The following SLC1A1 variants were observed in gnomAD, a reference collection of about 807,000 sequenced individuals.
The protein encoded by SLC1A1 is excitatory amino acid transporter 3.
In SLC1A1, 43 loss-of-function variants were observed where a neutral mutation model predicts 53.3. The ratio of observed to expected loss-of-function variants is 0.81; its 90% confidence interval spans 0.63 to 1.04. The LOEUF is 1.04. Among genes scored for constraint, SLC1A1 ranks in the 50% least tolerant of loss-of-function variants. The pLI, the probability that SLC1A1 is intolerant of heterozygous loss-of-function variation, is 0.00. For synonymous variants in SLC1A1, 307 were observed against 243.2 expected, an observed-to-expected ratio of 1.26 and a Z score of -2.44; for missense variants, 748 against 664.9, an observed-to-expected ratio of 1.12 and a Z score of -1.37.
intron 1 of SLC1A1, among the ~76,000 whole-genome samples, chr9:4,506,468 C>T (rs1035262099): frequency 2.6e-5 from 4 of 151,964 alleles, no homozygotes; most frequent in African/African-American, 7.3e-5. Context: ...ATTCAGAAAC[C>T]ATAACCTTAA....
At chr9:4,541,039 C>T (rs193173122) in intron 1 of SLC1A1, among the ~76,000 whole-genome samples, 206 of 152,278 alleles carry the variant, frequency 1.4e-3, no homozygotes, top group Middle Eastern at 3.4e-3. Context: ...TTACCTGTGT[C>T]TGTGGTGGGA....
chr9:4,545,609 C>G (rs1817424236), intron 2 of SLC1A1, among the ~76,000 whole-genome samples: 2 of 152,214 alleles, frequency 1.3e-5, no homozygotes, highest in Admixed American at 6.5e-5. Context: ...CCAGAACTTG[C>G]TATGTGTCTG....
chr9:4,582,447 G>T (rs1050365596), intron 10 of SLC1A1, among the ~76,000 whole-genome samples: 1 of 152,226 alleles, frequency 6.6e-6, no homozygotes, highest in East Asian at 1.9e-4. Context: ...GTGATGTCAA[G>T]AGAGTGCATA....
chr9:4,568,607 G>C (rs1243772223), intron 6 of SLC1A1, among the ~76,000 whole-genome samples: 3 of 151,004 alleles, frequency 2.0e-5, no homozygotes, highest in Non-Finnish European at 4.4e-5. Flanking sequence ...TGTAGTCCCA[G>C]ATACTTGAGA....
At chr9:4,566,706 A>T (rs923613599) in intron 5 of SLC1A1, among the ~76,000 whole-genome samples, 13 of 151,514 alleles carry the variant, frequency 8.6e-5, no homozygotes, top group African/African-American at 2.9e-4. Context: ...TTAAAAAAAA[A>T]TATAAAAAAT....
chr9:4,543,149 G>T (rs1048717294), intron 1 of SLC1A1, among the ~76,000 whole-genome samples: 5 of 152,192 alleles, frequency 3.3e-5, no homozygotes, highest in Non-Finnish European at 7.3e-5. Context: ...GAAAATTCTA[G>T]TACTGATTAT....
chr9:4,550,387 CT>C (rs940963214), intron 2 of SLC1A1, among the ~76,000 whole-genome samples: 1 of 152,120 alleles, frequency 6.6e-6, no homozygotes, highest in Non-Finnish European at 1.5e-5. Context: ...TTTTCTACTA[CT>C]TTTTGTTGGG....
At chr9:4,573,165 T>C (rs1820217742) in intron 7 of SLC1A1, among the ~76,000 whole-genome samples, 1 of 152,198 alleles carries the variant, frequency 6.6e-6, no homozygotes, top group Non-Finnish European at 1.5e-5. Flanking sequence ...TCAGTGTCTG[T>C]CCTCTCCCTG....
chr9:4,554,564 A>G (rs1818203003), intron 2 of SLC1A1, among the ~76,000 whole-genome samples: 1 of 152,212 alleles, frequency 6.6e-6, no homozygotes, highest in Admixed American at 6.5e-5. Flanking sequence ...CACTCCAGGC[A>G]GAGGGAAGAG....
At chr9:4,509,430 A>T (rs968793885) in intron 1 of SLC1A1, among the ~76,000 whole-genome samples, 1 of 152,180 alleles carries the variant, frequency 6.6e-6, no homozygotes, top group East Asian at 1.9e-4. Context: ...CTATTAGCTC[A>T]TCTAGGCCTG....
rs1373112445 is a variant in SLC1A1, at chr9:4,576,040, T to C, written c.915T>C (p.Tyr305=). 6.2e-7 allele frequency: 1 copy of C among 1,613,904 alleles called. No homozygotes were observed. The highest frequency in any genetic ancestry group is 1.3e-5 in the African/African-American group (1 of 74,938). ...IHSIVILPLI[Y]FIVVRKNPFR... ...CCATTGTAATTCTCCCGCTGATATA[T>C]TTCATAGTCGTACGAAAGAACCCTT... The change falls in exon 9 of 12, where the codon TAT becomes TAC. Residue 305 remains tyrosine, a synonymous_variant. Coordinates refer to ENST00000262352, the MANE Select transcript of SLC1A1 (RefSeq NM_004170.6).
At chr9:4,550,764 C>T (rs1363794586) in intron 2 of SLC1A1, among the ~76,000 whole-genome samples, 1 of 152,110 alleles carries the variant, frequency 6.6e-6, no homozygotes, top group Non-Finnish European at 1.5e-5. Context: ...TAAACAACAG[C>T]CAGATGTAGA....
At chr9:4,534,090 G>A (rs1193687570) in intron 1 of SLC1A1, among the ~76,000 whole-genome samples, 1 of 152,120 alleles carries the variant, frequency 6.6e-6, no homozygotes, top group Non-Finnish European at 1.5e-5. Flanking sequence ...ACCACTAAAT[G>A]CCCACAACAG....
At chr9:4,518,334 G>T (rs1478516588) in intron 1 of SLC1A1, among the ~76,000 whole-genome samples, 1 of 150,472 alleles carries the variant, frequency 6.6e-6, no homozygotes, top group African/African-American at 2.4e-5. Flanking sequence ...GTGGTGAAAA[G>T]GTTCTTCTAC....
At chr9:4,574,149 G>A in intron 8 of SLC1A1, 135 bp downstream of exon 8, 2 of 724,042 alleles carry the variant, frequency 2.8e-6, no homozygotes, top group East Asian at 2.6e-5. Flanking sequence ...AGATAAGACA[G>A]CAGGGGGAGG....
chr9:4,580,452 G>A (rs1030015198), intron 10 of SLC1A1, among the ~76,000 whole-genome samples: 1 of 151,934 alleles, frequency 6.6e-6, no homozygotes, highest in African/African-American at 2.4e-5. Context: ...GTTATGGAGT[G>A]CATCTGTGGT....
intron 1 of SLC1A1, among the ~76,000 whole-genome samples, chr9:4,491,896 T>C (rs1182183271): frequency 6.6e-6 from 1 of 152,222 alleles, no homozygotes; most frequent in African/African-American, 2.4e-5. Flanking sequence ...ATATATGGTG[T>C]TGCTTGCTTC....
intron 2 of SLC1A1, among the ~76,000 whole-genome samples, chr9:4,559,330 G>A (rs760846610): frequency 8.5e-5 from 13 of 152,166 alleles, no homozygotes; most frequent in Non-Finnish European, 1.2e-4. Flanking sequence ...GATGAATGGC[G>A]CCTTAACAAC....
rs746742697 is a variant in SLC1A1 at position 4,544,573 on chromosome 9, C to T, written c.98C>T (p.Thr33Ile). 1 of 1,613,550 alleles carries T rather than the reference C, an allele frequency of 6.2e-7. No individual in the cohort carries two copies. Among genetic ancestry groups the T allele is most frequent in the Non-Finnish European group, 8.5e-7 (1 of 1,179,564 alleles). ...CAACTCTTGTTTTCCTTAGGCATTACCACAGGAGTCTTGGTTCGAGAACAC... is the reference window on the plus strand; with the variant it reads ...CAACTCTTGTTTTCCTTAGGCATTATCACAGGAGTCTTGGTTCGAGAACAC... ...STVAAVVLGI[T>I]TGVLVREHSN... The change falls in exon 2 of 12, where the codon ACC (threonine) becomes ATC (isoleucine). Residue 33 changes from threonine to isoleucine, a missense_variant. Transcript: ENST00000262352.
Sources: gnomAD v4.1 joint callset for allele counts (sites outside exome capture counted in the v4.1 genomes callset) on GRCh38, gnomAD v4.1.1 for gene constraint, MANE v1.5 for transcripts, NCBI Gene and HGNC (gene_info 2026-07-23, HGNC 2026-07-21) for gene names.